Variants in CCSER1 observed in about 807,000 individuals in gnomAD.
The protein encoded by CCSER1 is serine-rich coiled-coil domain-containing protein 1.
Under a neutral mutation model 82.0 loss-of-function variants are expected in CCSER1, and 41 were observed. The observed-to-expected ratio is 0.50, with a 90% CI of 0.39 to 0.65. CCSER1 has a LOEUF of 0.65. Among genes scored for constraint, CCSER1 ranks in the 30% least tolerant of loss-of-function variants. The pLI is 0.00. For synonymous variants in CCSER1, 414 were observed against 383.9 expected, an observed-to-expected ratio of 1.08 and a Z score of -0.92; for missense variants, 1,119 against 1,064.2, an observed-to-expected ratio of 1.05 and a Z score of -0.72.
chr4:91,210,436 AAAG>A (rs1453678178), intron 10 of CCSER1, among the ~76,000 whole-genome samples: 2 of 151,658 alleles, frequency 1.3e-5, no homozygotes, highest in Non-Finnish European at 3.0e-5. Context: ...ATTAATAAAA[AAAG>A]AGTTACAGTA....
chr4:90,163,894 T>C (rs1729950483), intron 1 of CCSER1, among the ~76,000 whole-genome samples: 1 of 152,160 alleles, frequency 6.6e-6, no homozygotes, highest in Admixed American at 6.6e-5. Flanking sequence ...ACCTTCTTTG[T>C]TGGCTTTGGC....
At chr4:90,814,247 A>G (rs1288519464) in intron 7 of CCSER1, among the ~76,000 whole-genome samples, 1 of 152,158 alleles carries the variant, frequency 6.6e-6, no homozygotes, top group African/African-American at 2.4e-5. Context: ...AGGGCCCTGG[A>G]CACAGCCCAC....
chr4:91,453,407 G>T (rs1358950031), intron 10 of CCSER1, among the ~76,000 whole-genome samples: 1 of 151,946 alleles, frequency 6.6e-6, no homozygotes, highest in Non-Finnish European at 1.5e-5. Flanking sequence ...GCCACAGAGG[G>T]TCTCTCAAGA....
chr4:90,236,128 G>A (rs1264721387), intron 1 of CCSER1, among the ~76,000 whole-genome samples: 1 of 152,032 alleles, frequency 6.6e-6, no homozygotes, highest in African/African-American at 2.4e-5. Context: ...TTTTTGTAGA[G>A]ATGTTGCTCA....
At chr4:90,515,402 T>C (rs776086191) in intron 5 of CCSER1, among the ~76,000 whole-genome samples, 1 of 152,200 alleles carries the variant, frequency 6.6e-6, no homozygotes, top group Non-Finnish European at 1.5e-5. Context: ...TCTTAGTACA[T>C]TGGGCAACTT....
chr4:91,556,690 T>C (rs1414503988), intron 10 of CCSER1, among the ~76,000 whole-genome samples: 2 of 151,166 alleles, frequency 1.3e-5, no homozygotes, highest in Non-Finnish European at 3.0e-5. Context: ...TGAATGGGCT[T>C]TCCTGTGAGA....
chr4:90,157,171 T>C (rs1015329058), intron 1 of CCSER1, among the ~76,000 whole-genome samples: 8 of 152,190 alleles, frequency 5.3e-5, no homozygotes, highest in Non-Finnish European at 1.0e-4. Context: ...GGGTTGAAAA[T>C]TCTTTTCTTT....
At chr4:91,266,660 G>A (rs567119483) in intron 10 of CCSER1, among the ~76,000 whole-genome samples, 2 of 152,148 alleles carry the variant, frequency 1.3e-5, no homozygotes, top group Admixed American at 6.5e-5. Context: ...GTTAAAATAC[G>A]CATGACTGAA....
chr4:90,378,409 A>T (rs1748700151), intron 3 of CCSER1, among the ~76,000 whole-genome samples: 1 of 152,192 alleles, frequency 6.6e-6, no homozygotes, highest in Non-Finnish European at 1.5e-5. Flanking sequence ...AAGTGACCCA[A>T]GGCTAGGTTG....
At chr4:90,164,697 G>C (rs567738119) in intron 1 of CCSER1, among the ~76,000 whole-genome samples, 1 of 152,102 alleles carries the variant, frequency 6.6e-6, no homozygotes, top group Non-Finnish European at 1.5e-5. Flanking sequence ...AAGAGAAATT[G>C]TGAAGCAGCT....
At chr4:91,374,825 A>G (rs202030956) in intron 10 of CCSER1, among the ~76,000 whole-genome samples, 77 of 152,112 alleles carry the variant, frequency 5.1e-4, no homozygotes, top group Non-Finnish European at 9.6e-4. Context: ...GTGAAATCCC[A>G]TCTCTACTAA....
chr4:90,916,257 T>TC (rs1310436788), intron 8 of CCSER1, among the ~76,000 whole-genome samples: 1 of 152,004 alleles, frequency 6.6e-6, no homozygotes, highest in African/African-American at 2.4e-5. Context: ...CTACCTGACT[T>TC]AAACTATACT....
intron 5 of CCSER1, among the ~76,000 whole-genome samples, chr4:90,481,468 TC>T (rs1765949775): frequency 6.6e-6 from 1 of 152,202 alleles, no homozygotes; most frequent in Non-Finnish European, 1.5e-5. Context: ...AGGGAATGCT[TC>T]CAGTTTTTGT....
intron 1 of CCSER1, among the ~76,000 whole-genome samples, chr4:90,168,540 A>T (rs577144494): frequency 6.6e-6 from 1 of 152,238 alleles, no homozygotes; most frequent in African/African-American, 2.4e-5. Context: ...TTAGACATGA[A>T]GTCCTTGCCC....
intron 10 of CCSER1, among the ~76,000 whole-genome samples, chr4:91,568,965 T>C (rs1763032147): frequency 6.6e-6 from 1 of 152,216 alleles, no homozygotes; most frequent in African/African-American, 2.4e-5. Context: ...TTCTCATCTC[T>C]GCATGTGGTT....
chr4:90,863,016 G>A (rs1316734926), intron 8 of CCSER1, among the ~76,000 whole-genome samples: 1 of 147,358 alleles, frequency 6.8e-6, no homozygotes, highest in African/African-American at 2.5e-5. Context: ...GTATACATGT[G>A]CCATGCTGGT....
intron 1 of CCSER1, among the ~76,000 whole-genome samples, chr4:90,242,080 G>T (rs11945365): frequency 0.012 from 1,820 of 152,274 alleles, 46 homozygotes; most frequent in African/African-American, 0.041. Context: ...GCCGAGGTGG[G>T]CAGATCACTT....
chr4:90,202,645 T>A lies in CCSER1; in HGVS notation c.-42+74814T>A, dbSNP rs560956212. Among the ~76,000 whole-genome samples the A allele has an allele frequency of 3.1e-3, 465 of 152,348 alleles. 4 individuals carry two copies. Among genetic ancestry groups the A allele is most frequent in the African/African-American group, 0.011 (446 of 41,584 alleles). ...GCTTGAGAGCACTGCTCTAATGCAT[T>A]TTGTATTTTCAGAAGTCTGTGTAAG... is the stretch of plus-strand genomic sequence containing the variant. On this transcript the variant is annotated intron_variant, in intron 1 of 10. Coordinates refer to ENST00000509176, the MANE Select transcript of CCSER1 (RefSeq NM_001145065.2).
chr4:90,615,317 A>C (rs922818333), intron 5 of CCSER1, among the ~76,000 whole-genome samples: 1 of 152,176 alleles, frequency 6.6e-6, no homozygotes, highest in Non-Finnish European at 1.5e-5. Context: ...TCAAGTCTTC[A>C]TATTTAAGAA....
Sources: allele counts gnomAD v4.1 joint callset (sites outside exome capture counted in the v4.1 genomes callset), GRCh38; gene constraint gnomAD v4.1.1; transcripts MANE v1.5; gene names NCBI Gene and HGNC (gene_info 2026-07-23, HGNC 2026-07-21).